The following PTCHD4 variants were observed in gnomAD, a reference collection of about 807,000 sequenced individuals.
PTCHD4 encodes the protein patched domain containing 4, also known as patched domain-containing protein 4.
PTCHD4 carries 33 observed loss-of-function variants against 58.1 expected under a neutral mutation model. That is an observed-to-expected ratio of 0.57 (90% CI 0.43 to 0.76). The LOEUF is 0.76. Ranked by LOEUF, PTCHD4 falls within the 30% of genes least tolerant of loss-of-function variation. The probability of loss-of-function intolerance (pLI) is 0.00; values close to 1 mark genes in which losing one functional copy is unlikely to be tolerated. For missense variants in PTCHD4, 1,058 were observed against 1,027.1 expected, an observed-to-expected ratio of 1.03 and a Z score of -0.41; for synonymous variants, 478 against 409.6, an observed-to-expected ratio of 1.17 and a Z score of -2.02.
rs770925596 is a variant in PTCHD4, at chr6:48,068,470, G to C, written c.177C>G (p.Asn59Lys). The C allele has an allele frequency of 6.2e-7, 1 of 1,613,614 alleles. No individual in the cohort carries two copies. The highest frequency in any genetic ancestry group is 2.2e-5 in the East Asian group (1 of 44,862). ...CCAGGTCGCCCTCGGGCTGGAAGCG[G>C]TTGAGCGCGCTGAGGCCGAAGGTGA... The part of the protein sequence containing the change: ...LTITFGLSAL[N>K]RFQPEGDLER... Residue 59 changes from asparagine (N) to lysine (K), a missense_variant, in exon 3 of 5, where the codon AAC becomes AAG. Physicochemically the swap from Asn to Lys is moderately conservative, Grantham distance 94. Coordinates refer to ENST00000339488, the MANE Select transcript of PTCHD4 (RefSeq NM_001384253.1). This position sits in a 1 kb window ranked among gnomAD's most constrained non-coding sequence, Gnocchi z 4.2.
At chr6:48,029,319 C>G (rs1330615809) in intron 3 of PTCHD4, among the ~76,000 whole-genome samples, 1 of 152,014 alleles carries the variant, frequency 6.6e-6, no homozygotes, top group Non-Finnish European at 1.5e-5. Context: ...CTGACATATA[C>G]AGTACTATGA....
chr6:48,096,045 C>T (rs1765464470), intron 1 of PTCHD4, among the ~76,000 whole-genome samples: 1 of 152,144 alleles, frequency 6.6e-6, no homozygotes, highest in Admixed American at 6.5e-5. Context: ...GATATGGTCT[C>T]TTCTCTAGAA....
intron 4 of PTCHD4, among the ~76,000 whole-genome samples, chr6:47,904,651 G>A (rs1298474671): frequency 6.6e-6 from 1 of 152,152 alleles, no homozygotes; most frequent in East Asian, 1.9e-4. Flanking sequence ...AGGTAGAGAG[G>A]ATTATTTCTG....
intron 1 of PTCHD4, among the ~76,000 whole-genome samples, chr6:48,073,628 A>G (rs979102005): frequency 1.3e-5 from 2 of 152,202 alleles, no homozygotes; most frequent in African/African-American, 4.8e-5. Flanking sequence ...CAGGAAAGGA[A>G]TCAAGCTCAG....
chr6:48,073,994 C>T (rs1765018451), intron 1 of PTCHD4, among the ~76,000 whole-genome samples: 1 of 152,054 alleles, frequency 6.6e-6, no homozygotes, highest in Admixed American at 6.6e-5. Flanking sequence ...ATCTGACCCC[C>T]TTTTGTCATT....
intron 3 of PTCHD4, among the ~76,000 whole-genome samples, chr6:48,037,653 GA>G (rs1443625049): frequency 6.6e-6 from 1 of 151,988 alleles, no homozygotes; most frequent in African/African-American, 2.4e-5. Context: ...AACAGAAAAA[GA>G]AAGATCAAAG....
At chr6:48,087,646 C>T (rs1007569185) in intron 1 of PTCHD4, among the ~76,000 whole-genome samples, 1 of 152,176 alleles carries the variant, frequency 6.6e-6, no homozygotes, top group South Asian at 2.1e-4. Context: ...CTTAAGGTCT[C>T]ATAACCACTA....
chr6:47,993,608 A>T (rs1202705844), intron 4 of PTCHD4, among the ~76,000 whole-genome samples: 2 of 152,308 alleles, frequency 1.3e-5, no homozygotes, highest in East Asian at 3.9e-4. Flanking sequence ...GACAATGCAG[A>T]CTGCTCCTAA....
chr6:47,956,350 A>G (rs1352669883), intron 4 of PTCHD4, among the ~76,000 whole-genome samples: 1 of 152,218 alleles, frequency 6.6e-6, no homozygotes, highest in Non-Finnish European at 1.5e-5. Flanking sequence ...ATACGGATGA[A>G]GCACAGAGAT....
chr6:47,931,527 A>T (rs1322272560), intron 4 of PTCHD4, among the ~76,000 whole-genome samples: 2 of 152,220 alleles, frequency 1.3e-5, no homozygotes, highest in African/African-American at 4.8e-5. Context: ...GTAATTTCAG[A>T]TGGAGAAAAA....
intron 3 of PTCHD4, among the ~76,000 whole-genome samples, chr6:48,065,697 T>A (rs2113875143): frequency 6.6e-6 from 1 of 152,332 alleles, no homozygotes; most frequent in African/African-American, 2.4e-5. Context: ...CATGAGATTG[T>A]GTTTGAACAC....
intron 4 of PTCHD4, among the ~76,000 whole-genome samples, chr6:48,006,446 G>GT (rs1255581793): frequency 6.6e-6 from 1 of 152,132 alleles, no homozygotes; most frequent in African/African-American, 2.4e-5. Flanking sequence ...TTCATCAGCA[G>GT]TTTTAGAAAG....
intron 1 of PTCHD4, among the ~76,000 whole-genome samples, chr6:48,088,972 G>C (rs892537586): frequency 6.6e-5 from 10 of 152,156 alleles, no homozygotes; most frequent in African/African-American, 2.4e-4. Flanking sequence ...TTGAACCCAG[G>C]AGGCGGAGGT....
At chr6:47,881,456 G>A (rs185549716) in intron 4 of PTCHD4, among the ~76,000 whole-genome samples, 1 of 152,280 alleles carries the variant, frequency 6.6e-6, no homozygotes, top group Admixed American at 6.5e-5. Flanking sequence ...GAAAACCAGA[G>A]GGCATTTTGT....
chr6:48,009,840 G>C (rs2114086323), intron 3 of PTCHD4, among the ~76,000 whole-genome samples: 1 of 152,262 alleles, frequency 6.6e-6, no homozygotes, highest in South Asian at 2.1e-4. Flanking sequence ...AGACTGATAA[G>C]AATTTCAGAT....
chr6:47,976,472 G>A (rs1433576696), intron 4 of PTCHD4, among the ~76,000 whole-genome samples: 2 of 151,916 alleles, frequency 1.3e-5, no homozygotes, highest in South Asian at 2.1e-4. Flanking sequence ...GGTCAACACG[G>A]TGAAACCCCC....
At chr6:47,955,999 C>A (rs1025449927) in intron 4 of PTCHD4, among the ~76,000 whole-genome samples, 3 of 152,102 alleles carry the variant, frequency 2.0e-5, no homozygotes, top group Admixed American at 6.5e-5. Context: ...ATATTAGTTT[C>A]ATTATATAGT....
chr6:47,902,020 A>G lies in PTCHD4; in HGVS notation c.899-22084T>C. 4 of 803,974 alleles carry G rather than the reference A, an allele frequency of 5.0e-6. No homozygotes were observed. The South Asian group carries it at 5.9e-5, about 12-fold the overall frequency. 49.8% of individuals were successfully genotyped at this position (803,974 alleles called of 1,614,324 possible). On this transcript the variant is annotated intron_variant, in intron 4 of 4. Coordinates refer to ENST00000339488, the MANE Select transcript of PTCHD4 (RefSeq NM_001384253.1). ...ATATTTCCCACTTAGTATAGTAAAA[A>G]CACTGGGGAACTGAAGAGTTATCAC...
rs1272019126 is a variant in PTCHD4 at position 48,094,766 on chromosome 6, G to C, written c.-970+16283C>G. ...AATATAATGATATTTTAAGATAACA[G>C]ATAAATATGGTTTCTCTTCCTTGAA... On this transcript the variant is annotated intron_variant, in intron 1 of 4. Transcript: ENST00000339488. 2.6e-5 allele frequency among the ~76,000 whole-genome samples: 4 copies of C among 152,176 alleles called. No homozygotes were observed. The East Asian group carries it at 7.7e-4, about 29-fold the overall frequency.
Sources: allele counts gnomAD v4.1 joint callset (sites outside exome capture counted in the v4.1 genomes callset), GRCh38; gene constraint gnomAD v4.1.1; non-coding constraint Gnocchi (gnomAD v3.1); transcripts MANE v1.5; gene names NCBI Gene and HGNC (gene_info 2026-07-23, HGNC 2026-07-21).